Variants in TENM3 observed in about 807,000 individuals in gnomAD.
The protein encoded by TENM3 is teneurin transmembrane protein 3, also known as teneurin-3.
A neutral mutation model predicts 255.1 loss-of-function variants in TENM3; 63 were observed. The ratio of observed to expected loss-of-function variants is 0.25; its 90% CI spans 0.20 to 0.30. The LOEUF (loss-of-function observed/expected upper bound fraction) is 0.30, where lower values mean the gene tolerates loss of function less well. Among genes scored for constraint, TENM3 ranks in the 10% least tolerant of loss-of-function variants. TENM3 has a pLI of 1.00. For synonymous variants in TENM3, 1,306 were observed against 1,322.3 expected, an observed-to-expected ratio of 0.99 and a Z score of 0.27; for missense variants, 2,929 against 3,461.1, an observed-to-expected ratio of 0.85 and a Z score of 3.86.
chr4:182,314,101 A>G (rs894107208), intron 1 of TENM3, among the ~76,000 whole-genome samples: 2 of 152,182 alleles, frequency 1.3e-5, no homozygotes, highest in Non-Finnish European at 2.9e-5. Flanking sequence ...TCACGAGGTC[A>G]GGAGATCGAG....
At chr4:181,987,576 C>T in the TENM3 span, among the ~76,000 whole-genome samples, 7 of 152,182 alleles carry the variant, frequency 4.6e-5, no homozygotes, top group African/African-American at 1.7e-4. Flanking sequence ...TCTCAATATG[C>T]GTAGAGTGTT....
At chr4:181,598,283 T>C in the TENM3 span, among the ~76,000 whole-genome samples, 2 of 152,218 alleles carry the variant, frequency 1.3e-5, no homozygotes, top group African/African-American at 4.8e-5. Flanking sequence ...CTAAGCAGCT[T>C]CATAGTCACA....
the TENM3 span, among the ~76,000 whole-genome samples, chr4:181,852,980 G>T: frequency 1.3e-5 from 2 of 152,158 alleles, no homozygotes; most frequent in Admixed American, 1.3e-4. Flanking sequence ...TAAAAGCCAG[G>T]AACCAAAGCC....
chr4:182,251,543 C>T (rs1159749855), intron 1 of TENM3, among the ~76,000 whole-genome samples: 2 of 152,160 alleles, frequency 1.3e-5, no homozygotes, highest in East Asian at 1.9e-4. Context: ...AATTAAATTA[C>T]GGCTATGCTT....
chr4:182,460,193 G>A (rs1580626841), intron 3 of TENM3, among the ~76,000 whole-genome samples: 1 of 151,950 alleles, frequency 6.6e-6, no homozygotes, highest in African/African-American at 2.4e-5. Context: ...CATGACCCTA[G>A]GACAGAGGAC....
At chr4:182,518,456 C>A (rs1424151588) in intron 3 of TENM3, among the ~76,000 whole-genome samples, 1 of 151,928 alleles carries the variant, frequency 6.6e-6, no homozygotes, top group African/African-American at 2.4e-5. Context: ...TGGGCCAGAC[C>A]TAATTGAAAG....
At chr4:182,304,299 G>A (rs1762010913) in intron 1 of TENM3, among the ~76,000 whole-genome samples, 1 of 151,830 alleles carries the variant, frequency 6.6e-6, no homozygotes, top group Non-Finnish European at 1.5e-5. Flanking sequence ...TGCAACCTCT[G>A]CCTCCCGGGT....
the TENM3 span, among the ~76,000 whole-genome samples, chr4:181,903,742 ATGCAACCTGGGGCCCTGAGGAGGGC>A: frequency 2.6e-5 from 4 of 152,182 alleles, no homozygotes; most frequent in African/African-American, 9.7e-5. Context: ...CAAGATTTGA[ATGCAACCTGGGGCCCTGAGGAGGGC>A]CCCTCCTGGT....
At chr4:182,449,442 G>C (rs1223151372) in intron 3 of TENM3, among the ~76,000 whole-genome samples, 2 of 130,922 alleles carry the variant, frequency 1.5e-5, no homozygotes, top group African/African-American at 5.7e-5. Flanking sequence ...GGAGTCTTTT[G>C]TTCCCGGTAT....
the TENM3 span, among the ~76,000 whole-genome samples, chr4:182,056,603 G>A: frequency 1.3e-5 from 2 of 152,140 alleles, no homozygotes; most frequent in Non-Finnish European, 2.9e-5. Context: ...ATATTGCAAA[G>A]TTTGCCACTA....
At chr4:181,685,796 T>A in the TENM3 span, among the ~76,000 whole-genome samples, 1 of 152,162 alleles carries the variant, frequency 6.6e-6, no homozygotes, top group Non-Finnish European at 1.5e-5. Flanking sequence ...ATAAGTCAAG[T>A]GGTTTCCCAA....
chr4:181,672,830 A>G, the TENM3 span, among the ~76,000 whole-genome samples: 2 of 152,194 alleles, frequency 1.3e-5, no homozygotes, highest in African/African-American at 4.8e-5. Flanking sequence ...ATTTCGCAGA[A>G]GTAGAAACTG....
chr4:181,480,747 A>G, the TENM3 span, among the ~76,000 whole-genome samples: 22 of 150,350 alleles, frequency 1.5e-4, no homozygotes, highest in African/African-American at 5.1e-4. Flanking sequence ...ATATATATCC[A>G]GATGAAACTA....
the TENM3 span, among the ~76,000 whole-genome samples, chr4:181,605,570 G>GAAAGAAAGAAAGAT: frequency 4.0e-5 from 1 of 24,788 alleles, no homozygotes; most frequent in Non-Finnish European, 1.1e-4. Flanking sequence ...AAGAAAGAAA[G>GAAAGAAAGAAAGAT]AGAGAGAAAG....
chr4:182,480,521 C>A (rs1734094030), intron 3 of TENM3, among the ~76,000 whole-genome samples: 1 of 151,816 alleles, frequency 6.6e-6, no homozygotes, highest in Non-Finnish European at 1.5e-5. Flanking sequence ...GCTTGTAGGC[C>A]TTAAGTAACT....
intron 1 of TENM3, among the ~76,000 whole-genome samples, chr4:182,308,453 C>A (rs563573229): frequency 6.6e-6 from 1 of 151,970 alleles, no homozygotes; most frequent in South Asian, 2.1e-4. Flanking sequence ...AGTAGCTAGG[C>A]CTACAGGTGG....
At chr4:182,421,766 T>C (rs1294368230) in intron 3 of TENM3, among the ~76,000 whole-genome samples, 1 of 152,170 alleles carries the variant, frequency 6.6e-6, no homozygotes, top group Non-Finnish European at 1.5e-5. Flanking sequence ...ACAATCTAAA[T>C]GCTGTCTAAT....
the TENM3 span, among the ~76,000 whole-genome samples, chr4:181,468,384 T>C: frequency 6.6e-6 from 1 of 152,352 alleles, no homozygotes; most frequent in South Asian, 2.1e-4. Context: ...TTTTACATCT[T>C]GTATCCAGTT....
At chr4:182,583,377 G>A (rs377356116) in intron 3 of TENM3, among the ~76,000 whole-genome samples, 1 of 136,390 alleles carries the variant, frequency 7.3e-6, no homozygotes, top group Non-Finnish European at 1.6e-5. Context: ...GTGTGTGTGT[G>A]TATTTTAGGT....
Sources: gnomAD v4.1 joint callset for allele counts (sites outside exome capture counted in the v4.1 genomes callset) on GRCh38, gnomAD v4.1.1 for gene constraint, MANE v1.5 for transcripts, NCBI Gene and HGNC (gene_info 2026-07-23, HGNC 2026-07-21) for gene names.